Variants in TRPM3 observed in about 807,000 individuals in gnomAD.
TRPM3 encodes transient receptor potential cation channel subfamily M member 3.
A neutral mutation model predicts 181.2 loss-of-function variants in TRPM3; 77 were observed. That is an observed-to-expected ratio of 0.42 (90% CI 0.35 to 0.51). The LOEUF is 0.51. Among genes scored for constraint, TRPM3 ranks in the 20% least tolerant of loss-of-function variants. The probability of loss-of-function intolerance (pLI) is 0.01; values close to 1 mark genes in which losing one functional copy is unlikely to be tolerated. For missense variants in TRPM3, 1,759 were observed against 2,196.7 expected (o/e 0.80, Z 3.98); for synonymous variants, 745 against 796.4 (o/e 0.94, Z 1.09).
At chr9:70,970,079 A>G (rs1206780947) in intron 1 of TRPM3, among the ~76,000 whole-genome samples, 2 of 152,066 alleles carry the variant, frequency 1.3e-5, no homozygotes, top group Admixed American at 6.6e-5. Context: ...CTGAATCCCA[A>G]TGCAACAAAT....
At chr9:71,406,830 G>A (rs1310543752) in intron 1 of TRPM3, among the ~76,000 whole-genome samples, 2 of 152,106 alleles carry the variant, frequency 1.3e-5, no homozygotes, top group Admixed American at 6.6e-5. Flanking sequence ...CTCAAAGACA[G>A]GAAAAGGATC....
At chr9:71,202,079 T>C (rs1444424914) in intron 1 of TRPM3, among the ~76,000 whole-genome samples, 1 of 152,072 alleles carries the variant, frequency 6.6e-6, no homozygotes, top group Non-Finnish European at 1.5e-5. Context: ...TCTGTTGGAG[T>C]TTGCTAGAGG....
intron 5 of TRPM3, 116 bp downstream of exon 5, chr9:70,842,887 G>T: frequency 3.1e-6 from 3 of 977,290 alleles, no homozygotes; most frequent in South Asian, 2.3e-5. Flanking sequence ...TTTCATTTTA[G>T]TGAGTAGAGA....
intron 9 of TRPM3, among the ~76,000 whole-genome samples, chr9:70,680,827 G>C (rs1047143275): frequency 1.3e-5 from 2 of 152,178 alleles, no homozygotes; most frequent in South Asian, 2.1e-4. Context: ...AGGAAGGATT[G>C]GATTTAATCC....
At chr9:70,686,754 TCTCC>T (rs1407109404) in intron 8 of TRPM3, among the ~76,000 whole-genome samples, 2 of 89,246 alleles carry the variant, frequency 2.2e-5, no homozygotes, top group South Asian at 4.7e-4. Context: ...TTCCTCCTTC[TCTCC>T]CTCCCTCCCT....
chr9:71,303,245 G>T lies in TRPM3; in HGVS notation c.183+143408C>A, dbSNP rs79250899. ...AAAAAACCTAAACTGTGTAAAGGAAGAGAACAAATTACTGTGAAAAGGTAA... is the reference window on the plus strand; with the variant it reads ...AAAAAACCTAAACTGTGTAAAGGAATAGAACAAATTACTGTGAAAAGGTAA... On this transcript the variant is annotated intron_variant, in intron 1 of 24. Transcript: ENST00000357533. Among the ~76,000 whole-genome samples the T allele has an allele frequency of 8.1e-3, 1,229 of 152,306 alleles. 20 individuals are homozygous for T. The highest frequency in any genetic ancestry group is 0.027 in the African/African-American group (1,113 of 41,570).
chr9:70,920,642 A>T (rs987778145), intron 1 of TRPM3, among the ~76,000 whole-genome samples: 1 of 152,198 alleles, frequency 6.6e-6, no homozygotes, highest in Non-Finnish European at 1.5e-5. Flanking sequence ...AATCACATGA[A>T]ACTCCCAGCA....
chr9:70,862,465 A>G (rs2095546882), intron 3 of TRPM3, among the ~76,000 whole-genome samples: 1 of 152,170 alleles, frequency 6.6e-6, no homozygotes. Flanking sequence ...GGAGTTAATC[A>G]TTTCTACTTT....
chr9:71,184,376 T>C (rs1002208502), intron 1 of TRPM3, among the ~76,000 whole-genome samples: 2 of 152,192 alleles, frequency 1.3e-5, no homozygotes, highest in African/African-American at 4.8e-5. Flanking sequence ...GAAAGGAGTG[T>C]TAACTTGAAG....
chr9:70,934,741 C>G (rs1013116475), intron 1 of TRPM3, among the ~76,000 whole-genome samples: 1 of 152,028 alleles, frequency 6.6e-6, no homozygotes, highest in African/African-American at 2.4e-5. Flanking sequence ...AGTTGAATAT[C>G]TTTGTTTCTG....
intron 1 of TRPM3, among the ~76,000 whole-genome samples, chr9:70,905,599 T>G (rs1316277548): frequency 6.6e-6 from 1 of 152,202 alleles, no homozygotes; most frequent in African/African-American, 2.4e-5. Context: ...TTTATATCCA[T>G]AAATGGAAGC....
intron 6 of TRPM3, chr9:70,826,749 T>A (rs1652327740): frequency 6.6e-6 from 1 of 152,252 alleles, no homozygotes; most frequent in Non-Finnish European, 1.5e-5. Context: ...CCAAAGGGAA[T>A]CTTTTGTTCT....
At chr9:71,226,097 C>G (rs1018676214) in intron 1 of TRPM3, among the ~76,000 whole-genome samples, 1 of 134,182 alleles carries the variant, frequency 7.5e-6, no homozygotes, top group Admixed American at 7.7e-5. Context: ...TATGCAATCA[C>G]TTAAATCATC....
intron 1 of TRPM3, among the ~76,000 whole-genome samples, chr9:71,190,324 C>A (rs1156646163): frequency 6.6e-6 from 1 of 151,840 alleles, no homozygotes; most frequent in Non-Finnish European, 1.5e-5. Flanking sequence ...TGTACAAATA[C>A]CTAAGTAAAT....
At chr9:70,740,485 A>C (rs957263937) in intron 8 of TRPM3, among the ~76,000 whole-genome samples, 5 of 152,216 alleles carry the variant, frequency 3.3e-5, no homozygotes, top group Admixed American at 3.3e-4. Flanking sequence ...ACAATCTTAA[A>C]ATTCATGTGG....
intron 1 of TRPM3, among the ~76,000 whole-genome samples, chr9:71,225,904 G>A (rs183874104): frequency 1.3e-3 from 194 of 149,488 alleles, no homozygotes; most frequent in Admixed American, 3.4e-3. Flanking sequence ...TTATCCACCC[G>A]CTTCAGCCTC....
intron 8 of TRPM3, among the ~76,000 whole-genome samples, chr9:70,740,746 A>G (rs2073891258): frequency 6.6e-6 from 1 of 152,202 alleles, no homozygotes; most frequent in Non-Finnish European, 1.5e-5. Flanking sequence ...TGATGATGGG[A>G]TAATTGGCAA....
At chr9:71,090,911 T>C (rs902888861) in intron 1 of TRPM3, among the ~76,000 whole-genome samples, 5 of 152,158 alleles carry the variant, frequency 3.3e-5, no homozygotes, top group African/African-American at 9.7e-5. Flanking sequence ...CAATCAGTCA[T>C]ATGTAGTGAT....
chr9:71,094,935 A>G (rs937696228), intron 1 of TRPM3, among the ~76,000 whole-genome samples: 3 of 152,120 alleles, frequency 2.0e-5, no homozygotes, highest in African/African-American at 7.2e-5. Context: ...GGGTGAGAAA[A>G]AAGACAGTCA....
Sources: allele counts gnomAD v4.1 joint callset (sites outside exome capture counted in the v4.1 genomes callset), GRCh38; gene constraint gnomAD v4.1.1; transcripts MANE v1.5; gene names NCBI Gene and HGNC (gene_info 2026-07-23, HGNC 2026-07-21).